The following ARHGEF28 variants were observed in gnomAD, a reference collection of about 807,000 sequenced individuals.
ARHGEF28 encodes 190 kDa guanine nucleotide exchange factor.
In ARHGEF28, 152 loss-of-function variants were observed where a neutral mutation model predicts 206.6. The observed-to-expected ratio is 0.74, with a 90% CI of 0.64 to 0.84. The LOEUF (loss-of-function observed/expected upper bound fraction) is 0.84. Ranked by LOEUF, ARHGEF28 falls within the 40% of genes least tolerant of loss-of-function variation. ARHGEF28 has a pLI of 0.00. For missense variants in ARHGEF28, 2,028 were observed against 2,073.2 expected, an observed-to-expected ratio of 0.98 and a Z score of 0.42; for synonymous variants, 763 against 776.4, an observed-to-expected ratio of 0.98 and a Z score of 0.29.
intron 2 of ARHGEF28, among the ~76,000 whole-genome samples, chr5:73,707,764 A>C (rs1749020871): frequency 6.6e-6 from 1 of 152,166 alleles, no homozygotes; most frequent in African/African-American, 2.4e-5. Flanking sequence ...TTCTGTTCTA[A>C]TTAAGCTAAA....
chr5:73,684,243 C>T (rs575231016), intron 1 of ARHGEF28, among the ~76,000 whole-genome samples: 3 of 152,310 alleles, frequency 2.0e-5, no homozygotes, highest in Non-Finnish European at 1.5e-5. Flanking sequence ...TTCTCCCCAA[C>T]GTCCAGCTTC....
At chr5:73,688,948 C>T (rs982619818) in intron 2 of ARHGEF28, among the ~76,000 whole-genome samples, 8 of 152,338 alleles carry the variant, frequency 5.3e-5, no homozygotes, top group East Asian at 1.9e-4. Flanking sequence ...GCCATCACAC[C>T]AGGCCAATAA....
rs189031439 is a variant in ARHGEF28 at position 73,822,874 on chromosome 5, A to G, written c.1025-9464A>G. On this transcript the variant is annotated intron_variant, in intron 9 of 35. Transcript: ENST00000513042. ...ACTCCTGGGCTTAAGCATTCCTCCT[A>G]CCTTGGCCTCCCAAAGTGCTGGGAT... Among the ~76,000 whole-genome samples, 265 of 152,184 alleles carry G rather than the reference A, an allele frequency of 1.7e-3. 2 individuals carry two copies. Among genetic ancestry groups the G allele is most frequent in the African/African-American group, 6.2e-3 (257 of 41,512 alleles).
intron 4 of ARHGEF28, among the ~76,000 whole-genome samples, chr5:73,764,432 A>T (rs905503967): frequency 1.3e-5 from 2 of 152,264 alleles, no homozygotes; most frequent in Non-Finnish European, 2.9e-5. Flanking sequence ...TCGTTCCACA[A>T]GCTAAAATAA....
chr5:73,703,900 T>C (rs1748757985), intron 2 of ARHGEF28, among the ~76,000 whole-genome samples: 1 of 151,772 alleles, frequency 6.6e-6, no homozygotes, highest in South Asian at 2.1e-4. Flanking sequence ...GACGTGCGCC[T>C]GTAGTCCCAG....
intron 1 of ARHGEF28, among the ~76,000 whole-genome samples, chr5:73,666,285 A>C (rs986542795): frequency 6.6e-6 from 1 of 152,204 alleles, no homozygotes; most frequent in Non-Finnish European, 1.5e-5. Context: ...CCAAGGTCTC[A>C]GGAAGCCCTG....
At chr5:73,650,676 A>T (rs1744759700) in intron 1 of ARHGEF28, among the ~76,000 whole-genome samples, 1 of 147,344 alleles carries the variant, frequency 6.8e-6, no homozygotes, top group Non-Finnish European at 1.5e-5. Context: ...TCACCCTATC[A>T]CCCAGGCTGT....
intron 20 of ARHGEF28, among the ~76,000 whole-genome samples, 155 bp from the exon 21 acceptor site, chr5:73,869,914 A>C (rs909888114): frequency 4.6e-5 from 7 of 152,052 alleles, no homozygotes; most frequent in Non-Finnish European, 8.8e-5. Flanking sequence ...TCAAAAAAAA[A>C]CAGATGTTTC....
At chr5:73,867,639 A>C (rs1759792589) in intron 18 of ARHGEF28, among the ~76,000 whole-genome samples, 1 of 152,150 alleles carries the variant, frequency 6.6e-6, no homozygotes, top group Non-Finnish European at 1.5e-5. Context: ...CCAAACACCC[A>C]CAGTCTCCAA....
chr5:73,870,132 C>G lies in ARHGEF28; in HGVS notation c.2489C>G (p.Ser830Cys), dbSNP rs1334973618. 2 of 1,613,756 alleles carry G rather than the reference C, an allele frequency of 1.2e-6. No homozygotes were observed. Among genetic ancestry groups the G allele is most frequent in the Non-Finnish European group, 1.7e-6 (2 of 1,179,852 alleles). Residue 830 changes from serine to cysteine, a missense_variant, in exon 21 of 36, where the codon TCT (serine) becomes TGT (cysteine). Ser to Cys is a moderately radical substitution (Grantham distance 112). Transcript: ENST00000513042. The part of the protein sequence containing the change: ...SSDAQEFEAE[S>C]WSLVVDPSFC... ...GATGCCCAGGAGTTTGAAGCAGAAT[C>G]TTGGAGTCTTGTGGTGGATCCCTCA...
chr5:73,940,064 T>C (rs1328194372), intron 35 of ARHGEF28, among the ~76,000 whole-genome samples: 2 of 152,210 alleles, frequency 1.3e-5, no homozygotes, highest in African/African-American at 4.8e-5. Context: ...AATTTTGCCA[T>C]ATGGCTGAGC....
chr5:73,648,056 T>C (rs1262614001), intron 1 of ARHGEF28, among the ~76,000 whole-genome samples: 1 of 152,252 alleles, frequency 6.6e-6, no homozygotes, highest in African/African-American at 2.4e-5. Context: ...GTTTTGACTC[T>C]TATCCATCAA....
At chr5:73,911,210 A>T (rs1762880770) in intron 34 of ARHGEF28, 65 bp from the exon 35 acceptor site, 1 of 1,401,562 alleles carries the variant, frequency 7.1e-7, no homozygotes. Context: ...CTCAGGAATA[A>T]ATACTTTATG....
chr5:73,937,823 A>G (rs575491864), intron 35 of ARHGEF28, among the ~76,000 whole-genome samples: 103 of 152,242 alleles, frequency 6.8e-4, no homozygotes, highest in African/African-American at 2.3e-3. Context: ...AAAGTGTGGA[A>G]AAAGGTGGCT....
intron 4 of ARHGEF28, among the ~76,000 whole-genome samples, chr5:73,766,081 G>A (rs1752880734): frequency 6.6e-6 from 1 of 151,888 alleles, no homozygotes; most frequent in South Asian, 2.1e-4. Context: ...GAACCTGGGA[G>A]GTGGAGCTTG....
At chr5:73,800,407 A>G (rs1755061302) in intron 9 of ARHGEF28, among the ~76,000 whole-genome samples, 1 of 152,180 alleles carries the variant, frequency 6.6e-6, no homozygotes, top group African/African-American at 2.4e-5. Context: ...CCTTTTTATA[A>G]TATGTATTGT....
intron 9 of ARHGEF28, among the ~76,000 whole-genome samples, chr5:73,829,193 A>G (rs560797523): frequency 1.1e-4 from 17 of 152,340 alleles, no homozygotes; most frequent in African/African-American, 3.8e-4. Context: ...CCACAAACAC[A>G]AAGATGACAT....
At chr5:73,896,933 T>TC (rs1228764050) in intron 29 of ARHGEF28, among the ~76,000 whole-genome samples, 3 of 152,262 alleles carry the variant, frequency 2.0e-5, no homozygotes, top group African/African-American at 7.2e-5. Context: ...AGTTGGATAA[T>TC]CCACCCTGGG....
chr5:73,627,642 A>G lies in ARHGEF28; in HGVS notation c.-12+1320A>G, dbSNP rs536812299. On this transcript the variant is annotated intron_variant, in intron 1 of 35. Coordinates refer to ENST00000513042, the MANE Select transcript of ARHGEF28 (RefSeq NM_001177693.2). ...GAGTATTTGCAGAAAAGAGATGAAT[A>G]TGGCAAAACCCTTTGGAATTTTTAA... Among the ~76,000 whole-genome samples, 35 of 152,352 alleles carry G rather than the reference A, an allele frequency of 2.3e-4. No individual in the cohort carries two copies. The South Asian group carries it at 7.2e-3, about 32-fold the overall frequency.
Sources: allele counts gnomAD v4.1 joint callset (sites outside exome capture counted in the v4.1 genomes callset), GRCh38; gene constraint gnomAD v4.1.1; transcripts MANE v1.5; gene names NCBI Gene and HGNC (gene_info 2026-07-23, HGNC 2026-07-21).